ZNF146: variants seen among roughly 807,000 people sequenced by gnomAD.
ZNF146 encodes the protein zinc finger protein OZF.
A neutral mutation model predicts 22.2 loss-of-function variants in ZNF146; 9 were observed. That is an observed-to-expected ratio of 0.41 (90% confidence interval 0.24 to 0.71). The LOEUF (loss-of-function observed/expected upper bound fraction) is 0.71, where lower values mean the gene tolerates loss of function less well. ZNF146 is among the 30% of genes least tolerant of loss of function. The pLI, the probability that ZNF146 is intolerant of heterozygous loss-of-function variation, is 0.34. For synonymous variants in ZNF146, 108 were observed against 119.2 expected (o/e 0.91, Z 0.61); for missense variants, 194 against 344.8 (o/e 0.56, Z 3.46).
chr19:36,220,855 C>CT (rs61343359), intron 2 of ZNF146, among the ~76,000 whole-genome samples: 8,980 of 142,210 alleles, frequency 0.063, 898 homozygotes, highest in African/African-American at 0.22. Context: ...TAAAATGCAT[C>CT]TTTTTTTTTT....
intron 3 of ZNF146, among the ~76,000 whole-genome samples, chr19:36,229,640 A>G (rs1033142441): frequency 3.3e-5 from 5 of 152,202 alleles, no homozygotes; most frequent in Admixed American, 2.6e-4. Flanking sequence ...TTTCCTTTTC[A>G]TATAAATGGT....
intron 1 of ZNF146, among the ~76,000 whole-genome samples, chr19:36,215,499 T>G (rs1182766582): frequency 6.6e-6 from 1 of 152,094 alleles, no homozygotes; most frequent in Non-Finnish European, 1.5e-5. Context: ...TGCACTTCCC[T>G]TGTCGAAAGT....
intron 1 of ZNF146, among the ~76,000 whole-genome samples, chr19:36,215,749 C>T (rs190646337): frequency 6.6e-6 from 1 of 152,006 alleles, no homozygotes; most frequent in Non-Finnish European, 1.5e-5. Context: ...CTTTGGGGTA[C>T]TTAAATAGGG....
chr19:36,217,591 T>C (rs1179905777), intron 1 of ZNF146, among the ~76,000 whole-genome samples: 1 of 151,888 alleles, frequency 6.6e-6, no homozygotes, highest in African/African-American at 2.4e-5. Context: ...CACGATGCAT[T>C]TGGAATAAGA....
At chr19:36,231,399 A>G (rs892864154) in intron 3 of ZNF146, among the ~76,000 whole-genome samples, 2 of 151,974 alleles carry the variant, frequency 1.3e-5, no homozygotes, top group African/African-American at 4.8e-5. Context: ...TTTGGTAACC[A>G]GTTTTCACCA....
chr19:36,230,949 C>G (rs1442869331), intron 3 of ZNF146, among the ~76,000 whole-genome samples: 1 of 152,098 alleles, frequency 6.6e-6, no homozygotes, highest in Non-Finnish European at 1.5e-5. Flanking sequence ...TTACAGGCAC[C>G]TGCCACCACG....
Position 36,236,295 on chromosome 19 carries a change from C to A in ZNF146, c.-146C>A. On this transcript the variant is annotated 5_prime_UTR_variant, in exon 4 of 4. Coordinates refer to ENST00000443387, the MANE Select transcript of ZNF146 (RefSeq NM_007145.3). ...TAACATTTCCTCTCAAACCTTATCC[C>A]TTACTCTGCATTTGGGAGATCATAC... 1.0e-6 allele frequency: 1 copy of A among 961,700 alleles called. No individual in the cohort carries two copies. Among genetic ancestry groups the A allele is most frequent in the Non-Finnish European group, 1.5e-6 (1 of 665,210 alleles). 59.6% of individuals were successfully genotyped at this position (961,700 alleles called of 1,614,324 possible).
intron 2 of ZNF146, among the ~76,000 whole-genome samples, chr19:36,219,358 T>G (rs1976744178): frequency 1.3e-5 from 2 of 152,014 alleles, no homozygotes; most frequent in Admixed American, 1.3e-4. Flanking sequence ...AGAGATGGAG[T>G]CTTACTATGT....
intron 3 of ZNF146, among the ~76,000 whole-genome samples, chr19:36,235,076 G>A (rs1041849629): frequency 2.0e-5 from 3 of 151,726 alleles, no homozygotes; most frequent in Admixed American, 6.6e-5. Context: ...AGGTATGGTG[G>A]TGCACACCTG....
chr19:36,236,897 G>T lies in ZNF146; in HGVS notation c.457G>T (p.Glu153Ter). Residue 153 changes from glutamate to a stop codon, truncating the protein, a stop_gained, in exon 4 of 4, where the codon GAG (glutamate) becomes TAG (stop). Coordinates refer to ENST00000443387, the MANE Select transcript of ZNF146 (RefSeq NM_007145.3). LOFTEE classifies it high-confidence loss of function. ...LTEHEKIHIGEKPFKCSECGT... is the reference protein window; with the variant it reads ...LTEHEKIHIG ...TGAGCATGAGAAAATCCATATTGGA[G>T]AGAAGCCTTTTAAATGTAGTGAATG... The T allele has an allele frequency of 6.2e-7, 1 of 1,614,140 alleles. No individual in the cohort carries two copies. The highest frequency in any genetic ancestry group is 1.1e-5 in the South Asian group (1 of 91,058).
chr19:36,223,547 TAG>T (rs2145415282), intron 2 of ZNF146, among the ~76,000 whole-genome samples: 1 of 152,002 alleles, frequency 6.6e-6, no homozygotes, highest in Non-Finnish European at 1.5e-5. Flanking sequence ...GTATTTTTAG[TAG>T]AGACGGGGTT....
At chr19:36,220,661 C>T (rs574318993) in intron 2 of ZNF146, among the ~76,000 whole-genome samples, 34 of 152,088 alleles carry the variant, frequency 2.2e-4, no homozygotes, top group Admixed American at 1.3e-3. Context: ...CCACGGCGCC[C>T]GGCCTCCTAG....
At chr19:36,224,196 A>G (rs991358694) in intron 2 of ZNF146, among the ~76,000 whole-genome samples, 12 of 152,172 alleles carry the variant, frequency 7.9e-5, no homozygotes, top group African/African-American at 2.9e-4. Context: ...AGCCTGGCCA[A>G]TATGGAGAAA....
At chr19:36,218,307 C>T (rs751368158) in intron 2 of ZNF146, 112 bp downstream of exon 2, 2 of 151,842 alleles carry the variant, frequency 1.3e-5, no homozygotes, top group African/African-American at 2.4e-5. Flanking sequence ...ATGTAAAGTT[C>T]TAAGAATAGT....
intron 2 of ZNF146, 112 bp from the exon 3 acceptor site, chr19:36,228,636 G>A (rs12461112): frequency 0.26 from 39,400 of 152,112 alleles, 5,505 homozygotes; most frequent in African/African-American, 0.37. Context: ...ATCTTTGGAA[G>A]TTGCACCCTC....
In ZNF146 at chr19:36,223,225, C is replaced by T. The variant is rs554064229; in HGVS notation, c.-855+5030C>T. On this transcript the variant is annotated intron_variant, in intron 2 of 3. Coordinates refer to ENST00000443387, the MANE Select transcript of ZNF146 (RefSeq NM_007145.3). ...TGAGGTCAGGAGTTTGAGACTAGCCCGGTCAACATGGTGAAACCCCGTCTC... is the reference window on the plus strand; with the variant it reads ...TGAGGTCAGGAGTTTGAGACTAGCCTGGTCAACATGGTGAAACCCCGTCTC... Among the ~76,000 whole-genome samples the T allele has an allele frequency of 2.5e-4, 38 of 151,610 alleles. 1 individual carries two copies. The highest frequency in any genetic ancestry group is 1.0e-3 in the South Asian group (5 of 4,790).
chr19:36,232,211 AAC>A lies in ZNF146; in HGVS notation c.-783+3394_-783+3395del, dbSNP rs1399990058. On this transcript the variant is annotated intron_variant, in intron 3 of 3. Transcript: ENST00000443387. ...CTCCATCTCAAAAAAAAAAAAAAAA[AAC>A]ATACAAATTATGTGACTACAAATAT... Among the ~76,000 whole-genome samples the A allele has an allele frequency of 2.9e-3, 443 of 151,964 alleles. 1 individual carries two copies. The highest frequency in any genetic ancestry group is 0.01 in the Middle Eastern group (3 of 292).
At chr19:36,217,433 G>A (rs2145391230) in intron 1 of ZNF146, among the ~76,000 whole-genome samples, 1 of 152,172 alleles carries the variant, frequency 6.6e-6, no homozygotes, top group South Asian at 2.1e-4. Flanking sequence ...ATGCCCATCA[G>A]TGGGAGATTG....
chr19:36,228,105 G>A (rs1282214200), intron 2 of ZNF146, among the ~76,000 whole-genome samples: 3 of 150,848 alleles, frequency 2.0e-5, no homozygotes, highest in African/African-American at 7.3e-5. Context: ...GGTTGCAGTG[G>A]GCTGAGATTG....
Sources: allele counts gnomAD v4.1 joint callset (sites outside exome capture counted in the v4.1 genomes callset), GRCh38; gene constraint gnomAD v4.1.1; transcripts MANE v1.5; gene names NCBI Gene and HGNC (gene_info 2026-07-23, HGNC 2026-07-21).